The following BMPR1B variants were observed in gnomAD, a reference collection of about 807,000 sequenced individuals.
BMPR1B encodes the protein bone morphogenetic protein receptor type-1B.
In BMPR1B, 12 loss-of-function variants were observed where a neutral mutation model predicts 59.1. That is an observed-to-expected ratio of 0.20 (90% CI 0.13 to 0.33). The LOEUF is 0.33. Among genes scored for constraint, BMPR1B ranks in the 10% least tolerant of loss-of-function variants. The pLI is 1.00. For missense variants in BMPR1B, 550 were observed against 610.9 expected, an observed-to-expected ratio of 0.90 and a Z score of 1.05; for synonymous variants, 237 against 207.3, an observed-to-expected ratio of 1.14 and a Z score of -1.23.
intron 4 of BMPR1B, among the ~76,000 whole-genome samples, chr4:95,108,781 C>G (rs1463700927): frequency 6.6e-6 from 1 of 152,020 alleles, no homozygotes; most frequent in African/African-American, 2.4e-5. Flanking sequence ...AAGCCATTGT[C>G]CTCTCTCCCT....
chr4:95,105,043 T>A (rs996667863), intron 4 of BMPR1B, among the ~76,000 whole-genome samples: 2 of 152,068 alleles, frequency 1.3e-5, no homozygotes, highest in Admixed American at 6.6e-5. Context: ...CTCATGCGAT[T>A]CCCCAAGTTG....
At chr4:94,777,904 T>C (rs920573937) in intron 1 of BMPR1B, among the ~76,000 whole-genome samples, 3 of 151,948 alleles carry the variant, frequency 2.0e-5, no homozygotes, top group African/African-American at 7.3e-5. Flanking sequence ...CAGGCACCTG[T>C]AATCCCAGCT....
chr4:95,137,351 A>C (rs561654125), intron 10 of BMPR1B, among the ~76,000 whole-genome samples: 1 of 152,302 alleles, frequency 6.6e-6, no homozygotes, highest in South Asian at 2.1e-4. Context: ...TTTTGGAATA[A>C]GTGCAATGTG....
At chr4:95,067,988 G>C (rs181929800) in intron 3 of BMPR1B, among the ~76,000 whole-genome samples, 2 of 152,282 alleles carry the variant, frequency 1.3e-5, no homozygotes, top group East Asian at 3.9e-4. Flanking sequence ...CACATAGAGG[G>C]ACCAACATTC....
chr4:95,046,811 G>A (rs1726093520), intron 3 of BMPR1B, among the ~76,000 whole-genome samples: 1 of 152,148 alleles, frequency 6.6e-6, no homozygotes, highest in African/African-American at 2.4e-5. Flanking sequence ...AATTAAGTTG[G>A]CTATCTCAGT....
chr4:95,130,083 A>G (rs750381855), intron 9 of BMPR1B, 29 bp downstream of exon 9: 1 of 1,605,028 alleles, frequency 6.2e-7, no homozygotes, highest in Admixed American at 1.7e-5. Context: ...AGCTATGTTC[A>G]GGGTTTCCTA....
chr4:94,993,607 A>C (rs922990414), intron 2 of BMPR1B, among the ~76,000 whole-genome samples: 8 of 152,004 alleles, frequency 5.3e-5, no homozygotes, highest in African/African-American at 1.7e-4. Context: ...CTAAAAATAC[A>C]AAAATTAGTC....
chr4:94,923,089 C>G (rs906015670), intron 2 of BMPR1B, among the ~76,000 whole-genome samples: 1 of 152,112 alleles, frequency 6.6e-6, no homozygotes, highest in Non-Finnish European at 1.5e-5. Flanking sequence ...TGTAAACATG[C>G]AACATACAAT....
chr4:94,812,575 C>A (rs1216514126), intron 1 of BMPR1B, among the ~76,000 whole-genome samples: 1 of 152,170 alleles, frequency 6.6e-6, no homozygotes, highest in African/African-American at 2.4e-5. Flanking sequence ...GGTTTTATAT[C>A]TCATTATATC....
chr4:95,110,183 T>G (rs1024052358), intron 4 of BMPR1B, among the ~76,000 whole-genome samples: 4 of 151,702 alleles, frequency 2.6e-5, no homozygotes, highest in African/African-American at 9.7e-5. Context: ...CTATATGGAA[T>G]GGATTAGAGT....
chr4:94,955,584 A>G (rs1197506344), intron 2 of BMPR1B, among the ~76,000 whole-genome samples: 5 of 152,070 alleles, frequency 3.3e-5, no homozygotes, highest in South Asian at 2.1e-4. Context: ...TAGCAGGTGC[A>G]TGCTATGCTA....
At chr4:94,973,905 A>G (rs2149079746) in intron 2 of BMPR1B, among the ~76,000 whole-genome samples, 1 of 152,346 alleles carries the variant, frequency 6.6e-6, no homozygotes, top group South Asian at 2.1e-4. Flanking sequence ...CTTGCTTTGG[A>G]TAAATTTTTA....
In BMPR1B at chr4:94,822,954, A is replaced by G. The variant is rs543338807; in HGVS notation, c.-182-52877A>G. On this transcript the variant is annotated intron_variant, in intron 1 of 12. Coordinates refer to ENST00000515059, the MANE Select transcript of BMPR1B (RefSeq NM_001203.3). ...ATTTGAATGGGAAATGATATTCCTA[A>G]AATGTGTGCCTTAGATATTGTTATA... Among the ~76,000 whole-genome samples the G allele has an allele frequency of 1.4e-3, 220 of 152,276 alleles. 2 individuals carry two copies. Among genetic ancestry groups the G allele is most frequent in the African/African-American group, 5.2e-3 (216 of 41,558 alleles).
At chr4:94,910,960 A>T (rs989892364) in intron 2 of BMPR1B, among the ~76,000 whole-genome samples, 2 of 152,102 alleles carry the variant, frequency 1.3e-5, no homozygotes, top group Non-Finnish European at 2.9e-5. Context: ...AATCCTTATG[A>T]ATAAAAAAGG....
At chr4:94,833,192 CAAA>C (rs60473542) in intron 1 of BMPR1B, among the ~76,000 whole-genome samples, 27,258 of 132,840 alleles carry the variant, frequency 0.21, 2,560 homozygotes, top group African/African-American at 0.26. Context: ...GACTCTTTCT[CAAA>C]AAAAAAAAAA....
intron 1 of BMPR1B, among the ~76,000 whole-genome samples, chr4:94,830,522 C>T (rs1276013719): frequency 6.6e-6 from 1 of 152,164 alleles, no homozygotes; most frequent in Admixed American, 6.5e-5. Context: ...GTTCCTCTCT[C>T]ACCCCTTTTA....
rs1553903537 is a variant in BMPR1B at position 94,770,180 on chromosome 4, G to GTTTTTTTTTTTT, written c.-183+12113_-183+12114insTTTTTTTTTTTT. ...TTTGTTTGAATTGTCCTTCGTTTCT[G>GTTTTTTTTTTTT]TGTTTGTTTTTTTTTTTTTTTTTTG... is the stretch of plus-strand genomic sequence containing the variant. On this transcript the variant is annotated intron_variant, in intron 1 of 12. Coordinates refer to ENST00000515059, the MANE Select transcript of BMPR1B (RefSeq NM_001203.3). 1.6e-4 allele frequency among the ~76,000 whole-genome samples: 17 copies of GTTTTTTTTTTTT among 106,270 alleles called. 1 individual carries two copies. The highest frequency in any genetic ancestry group is 7.0e-4 in the African/African-American group (17 of 24,202). The allele number at this position is 106,270 out of a possible 152,430, so 69.7% of individuals were successfully genotyped here.
At chr4:94,975,363 G>GTTTTTTTTTTTTT (rs763655134) in intron 2 of BMPR1B, among the ~76,000 whole-genome samples, 1 of 111,638 alleles carries the variant, frequency 9.0e-6, no homozygotes, top group Non-Finnish European at 1.7e-5. Context: ...TTTTGTTTTT[G>GTTTTTTTTTTTTT]TTTTTTTTTT....
intron 2 of BMPR1B, among the ~76,000 whole-genome samples, chr4:94,893,664 A>G (rs892628339): frequency 7.2e-5 from 11 of 151,954 alleles, no homozygotes; most frequent in African/African-American, 1.9e-4. Flanking sequence ...TGTGCGTTCT[A>G]TAGCTGCAGT....
Sources: allele counts gnomAD v4.1 joint callset (sites outside exome capture counted in the v4.1 genomes callset), GRCh38; gene constraint gnomAD v4.1.1; transcripts MANE v1.5; gene names NCBI Gene and HGNC (gene_info 2026-07-23, HGNC 2026-07-21).